Variants in NRG3 observed in about 807,000 individuals in gnomAD.
The protein encoded by NRG3 is neuregulin 3.
Under a neutral mutation model 66.9 loss-of-function variants are expected in NRG3, and 31 were observed. That is an observed-to-expected ratio of 0.46 (90% CI 0.35 to 0.63). The LOEUF (loss-of-function observed/expected upper bound fraction) is 0.63. NRG3 is among the 20% of genes least tolerant of loss of function. NRG3 has a pLI of 0.00. For synonymous variants in NRG3, 393 were observed against 359.4 expected (o/e 1.09, Z -1.06); for missense variants, 910 against 878.9 (o/e 1.04, Z -0.45).
intron 2 of NRG3, among the ~76,000 whole-genome samples, chr10:82,489,200 C>A (rs538220265): frequency 2.0e-5 from 3 of 152,170 alleles, no homozygotes; most frequent in African/African-American, 7.2e-5. Flanking sequence ...CTAGTTGATT[C>A]GGAAATGGGT....
intron 1 of NRG3, among the ~76,000 whole-genome samples, chr10:82,050,428 T>C (rs1286326005): frequency 6.6e-6 from 1 of 151,962 alleles, no homozygotes; most frequent in African/African-American, 2.4e-5. Context: ...AATAGATGAA[T>C]GGGTGGCTGG....
At position 82,451,304 on chromosome 10, in the gene NRG3, G is replaced by A. The variant is rs185190033; in HGVS notation, c.953+92436G>A. On this transcript the variant is annotated intron_variant, in intron 2 of 8. Coordinates refer to ENST00000372141, the MANE Select transcript of NRG3 (RefSeq NM_001010848.4). ...CAGTCTTCCTTCAGAGTCCACACTC[G>A]TAAGGATTATATTATATGACTTGTC... Among the ~76,000 whole-genome samples the A allele has an allele frequency of 2.1e-3, 312 of 152,140 alleles. 2 individuals are homozygous for A. The highest frequency in any genetic ancestry group is 9.6e-4 in the Non-Finnish European group (65 of 67,998).
intron 2 of NRG3, among the ~76,000 whole-genome samples, chr10:82,721,655 T>C (rs1302673704): frequency 6.7e-6 from 1 of 148,606 alleles, no homozygotes; most frequent in African/African-American, 2.5e-5. Context: ...ACTCCTGACC[T>C]CAGGTGATCT....
chr10:82,684,829 C>G (rs2250933), intron 2 of NRG3, among the ~76,000 whole-genome samples: 148 of 152,206 alleles, frequency 9.7e-4, no homozygotes, highest in Non-Finnish European at 1.7e-3. Flanking sequence ...AAGCAAAGGT[C>G]CAAAAAATTG....
intron 4 of NRG3, among the ~76,000 whole-genome samples, chr10:82,881,695 G>T (rs1481533473): frequency 6.6e-6 from 1 of 152,092 alleles, no homozygotes; most frequent in Non-Finnish European, 1.5e-5. Context: ...TATCTGCCTA[G>T]CTATATATCT....
At position 82,058,640 on chromosome 10, in the gene NRG3, T is replaced by C. The variant is rs376963494; in HGVS notation, c.823+182477T>C. 8.5e-5 allele frequency among the ~76,000 whole-genome samples: 13 copies of C among 152,156 alleles called. 1 individual carries two copies. The highest frequency in any genetic ancestry group is 6.2e-4 in the South Asian group (3 of 4,820). ...TTGAGTAGTTCCATCACAAGTTTTT[T>C]TATTTTGATTTTTTTCCCTTCTCCT... On this transcript the variant is annotated intron_variant, in intron 1 of 8. Coordinates refer to ENST00000372141, the MANE Select transcript of NRG3 (RefSeq NM_001010848.4).
intron 2 of NRG3, among the ~76,000 whole-genome samples, chr10:82,528,094 A>T (rs1288113890): frequency 6.6e-6 from 1 of 152,102 alleles, no homozygotes; most frequent in African/African-American, 2.4e-5. Flanking sequence ...ATATTGCTAA[A>T]TTTCACTTAG....
intron 6 of NRG3, among the ~76,000 whole-genome samples, chr10:82,965,620 C>T (rs984396350): frequency 2.0e-5 from 3 of 151,914 alleles, no homozygotes; most frequent in African/African-American, 4.8e-5. Context: ...CCTGTAATCC[C>T]ACCTACTCAG....
intron 1 of NRG3, among the ~76,000 whole-genome samples, chr10:82,112,312 A>G (rs1038537680): frequency 1.3e-5 from 2 of 152,276 alleles, no homozygotes; most frequent in Admixed American, 6.5e-5. Flanking sequence ...TTATTTTTTT[A>G]TGAGAAGAAA....
At chr10:82,226,753 G>A (rs891093839) in intron 1 of NRG3, among the ~76,000 whole-genome samples, 1 of 152,106 alleles carries the variant, frequency 6.6e-6, no homozygotes, top group Non-Finnish European at 1.5e-5. Context: ...GATTCAAATT[G>A]CTCATGTAAT....
At chr10:82,705,108 G>A (rs1029043816) in intron 2 of NRG3, among the ~76,000 whole-genome samples, 1 of 152,164 alleles carries the variant, frequency 6.6e-6, no homozygotes, top group African/African-American at 2.4e-5. Context: ...AGAAACAAGA[G>A]TAAGCCTTCA....
intron 1 of NRG3, among the ~76,000 whole-genome samples, chr10:82,185,016 C>G (rs1170735860): frequency 1.3e-5 from 2 of 152,128 alleles, no homozygotes; most frequent in Non-Finnish European, 2.9e-5. Flanking sequence ...AAGGCAACTA[C>G]ATCTTGAGTC....
At chr10:82,850,897 C>T (rs945546403) in intron 3 of NRG3, among the ~76,000 whole-genome samples, 1 of 152,148 alleles carries the variant, frequency 6.6e-6, no homozygotes, top group African/African-American at 2.4e-5. Context: ...TGTGTGATAA[C>T]TGGCCATAGA....
rs573304477 is a variant in NRG3, at chr10:82,799,582, T to A, written c.1027+60932T>A. Among the ~76,000 whole-genome samples the A allele has an allele frequency of 4.0e-5, 6 of 149,854 alleles. No homozygotes were observed. The South Asian group carries it at 1.3e-3, about 32-fold the overall frequency. ...ACGTAAAGGAAATCTCTCTAGAAAC[T>A]GGAGTATTATGTAAGAGATGGTCTT... On this transcript the variant is annotated intron_variant, in intron 3 of 8. Transcript: ENST00000372141.
At chr10:82,445,331 C>T (rs755751770) in intron 2 of NRG3, among the ~76,000 whole-genome samples, 3 of 152,150 alleles carry the variant, frequency 2.0e-5, no homozygotes, top group Non-Finnish European at 2.9e-5. Context: ...TTGTGGATGT[C>T]ATTCCTCACC....
intron 1 of NRG3, among the ~76,000 whole-genome samples, chr10:82,350,743 G>A (rs576246362): frequency 3.3e-5 from 5 of 152,294 alleles, no homozygotes; most frequent in African/African-American, 9.6e-5. Flanking sequence ...ACTAGGAAGT[G>A]CAGTCCCAGG....
At chr10:82,711,911 C>T (rs565739166) in intron 2 of NRG3, among the ~76,000 whole-genome samples, 41 of 152,308 alleles carry the variant, frequency 2.7e-4, no homozygotes, top group African/African-American at 9.1e-4. Context: ...GACACATAGA[C>T]ACACACATGG....
intron 3 of NRG3, among the ~76,000 whole-genome samples, chr10:82,743,884 G>A (rs1301145287): frequency 1.3e-5 from 2 of 152,144 alleles, no homozygotes; most frequent in Non-Finnish European, 2.9e-5. Flanking sequence ...TAATATATAG[G>A]AACATGTGTT....
chr10:82,010,739 C>A lies in NRG3; in HGVS notation c.823+134576C>A, dbSNP rs1344708482. ...GAGAGCCAGCACTACCTGCCTCACA[C>A]TGCTGAGGGATATAGAGGTCTCTAT... On this transcript the variant is annotated intron_variant, in intron 1 of 8. Coordinates refer to ENST00000372141, the MANE Select transcript of NRG3 (RefSeq NM_001010848.4). Among the ~76,000 whole-genome samples the A allele has an allele frequency of 5.9e-5, 9 of 152,302 alleles. No individual in the cohort carries two copies. In the East Asian group the frequency reaches 1.7e-3, roughly 29 times the overall value.
Sources: gnomAD v4.1 joint callset for allele counts (sites outside exome capture counted in the v4.1 genomes callset) on GRCh38, gnomAD v4.1.1 for gene constraint, MANE v1.5 for transcripts, NCBI Gene and HGNC (gene_info 2026-07-23, HGNC 2026-07-21) for gene names.